Variants in CEP112 observed in about 807,000 individuals in gnomAD.
The protein encoded by CEP112 is centrosomal protein of 112 kDa.
Under a neutral mutation model 153.0 loss-of-function variants are expected in CEP112, and 127 were observed. The observed-to-expected ratio is 0.83, with a 90% CI of 0.72 to 0.96. The LOEUF (loss-of-function observed/expected upper bound fraction) is 0.96. CEP112 is among the 40% of genes least tolerant of loss of function. The pLI is 0.00. For missense variants in CEP112, 1,089 were observed against 1,101.2 expected (o/e 0.99, Z 0.16); for synonymous variants, 358 against 374.4 (o/e 0.96, Z 0.51).
At chr17:65,750,861 G>T in intron 21 of CEP112, 137 bp from the exon 22 acceptor site, 3 of 620,228 alleles carry the variant, frequency 4.8e-6, no homozygotes, top group Non-Finnish European at 8.6e-6. Flanking sequence ...CACAGGGCTT[G>T]TCTTTGATGT....
intron 21 of CEP112, among the ~76,000 whole-genome samples, chr17:65,795,056 A>ACT (rs1304635004): frequency 6.6e-6 from 1 of 152,100 alleles, no homozygotes; most frequent in East Asian, 1.9e-4. Context: ...TTTAATATAT[A>ACT]CTCTCTCATT....
chr17:65,746,426 T>C (rs1482161635), intron 22 of CEP112, among the ~76,000 whole-genome samples: 1 of 152,158 alleles, frequency 6.6e-6, no homozygotes, highest in Admixed American at 6.5e-5. Flanking sequence ...CTTGGCTAGA[T>C]AAATAGATAA....
chr17:65,749,135 C>G (rs1196630671), intron 22 of CEP112, among the ~76,000 whole-genome samples: 1 of 152,158 alleles, frequency 6.6e-6, no homozygotes, highest in Non-Finnish European at 1.5e-5. Context: ...ACATAATCAT[C>G]ATTTCTTACA....
At chr17:65,783,079 T>C (rs959015551) in intron 21 of CEP112, among the ~76,000 whole-genome samples, 25 of 150,660 alleles carry the variant, frequency 1.7e-4, no homozygotes, top group African/African-American at 5.8e-4. Context: ...CAAGAAAATA[T>C]TTAAAAAAAA....
At chr17:66,057,968 C>A (rs1426633220) in intron 11 of CEP112, among the ~76,000 whole-genome samples, 1 of 152,072 alleles carries the variant, frequency 6.6e-6, no homozygotes, top group African/African-American at 2.4e-5. Context: ...GTGGCCACAC[C>A]TGTTATTCCA....
chr17:66,109,417 A>C (rs912181361), intron 6 of CEP112, among the ~76,000 whole-genome samples: 1 of 152,132 alleles, frequency 6.6e-6, no homozygotes, highest in Non-Finnish European at 1.5e-5. Context: ...TCCCATACAA[A>C]TTTAAATTTT....
intron 12 of CEP112, among the ~76,000 whole-genome samples, chr17:66,052,653 G>C (rs1046356197): frequency 2.6e-5 from 4 of 152,160 alleles, no homozygotes; most frequent in Admixed American, 6.5e-5. Context: ...CCCATGTGAT[G>C]TCTATGTCTG....
At chr17:65,822,804 A>G (rs2056653010) in intron 21 of CEP112, among the ~76,000 whole-genome samples, 1 of 152,180 alleles carries the variant, frequency 6.6e-6, no homozygotes, top group African/African-American at 2.4e-5. Flanking sequence ...GAAAACTATT[A>G]AGAAACAGGT....
chr17:65,920,395 ATATATATAT>A (rs2060672562), intron 19 of CEP112, among the ~76,000 whole-genome samples: 3 of 115,366 alleles, frequency 2.6e-5, no homozygotes, highest in East Asian at 2.8e-4. Context: ...ATATATATAT[ATATATATAT>A]AATTATAATA....
At chr17:65,680,480 C>A (rs1297535163) in intron 24 of CEP112, among the ~76,000 whole-genome samples, 1 of 152,076 alleles carries the variant, frequency 6.6e-6, no homozygotes, top group South Asian at 2.1e-4. Context: ...CCATCTGTCA[C>A]CCTCCCTCTC....
chr17:65,831,110 G>A (rs1479639526), intron 21 of CEP112, among the ~76,000 whole-genome samples: 1 of 152,188 alleles, frequency 6.6e-6, no homozygotes, highest in African/African-American at 2.4e-5. Flanking sequence ...AGAGAAAGTG[G>A]ATGTCTCCTC....
At chr17:66,175,306 C>A in intron 3 of CEP112, 90 bp from the exon 4 acceptor site, 1 of 828,820 alleles carries the variant, frequency 1.2e-6, no homozygotes, top group Non-Finnish European at 1.7e-6. Flanking sequence ...TTGAAAACAG[C>A]CTTTCAAATA....
chr17:65,936,809 C>CTCCTCCCCCTCCCCCCCCCCTCT (rs1555720992), intron 18 of CEP112, among the ~76,000 whole-genome samples: 1 of 94,728 alleles, frequency 1.1e-5, no homozygotes. Flanking sequence ...CCTCCCCCTC[C>CTCCTCCCCCTCCCCCCCCCCTCT]CCCTCTCCCC....
chr17:65,653,652 G>T (rs1374291390), intron 24 of CEP112, among the ~76,000 whole-genome samples: 1 of 152,206 alleles, frequency 6.6e-6, no homozygotes, highest in East Asian at 1.9e-4. Context: ...CTTGCTGGGA[G>T]GGATCAGATG....
Position 66,062,957 on chromosome 17 carries a change from G to T in CEP112, c.1074+6C>A. ...ATGTTTTCCATTAGTATTTTATGTA[G>T]CTTACCTTTTTTTCCCAGTCATTAT... On this transcript the variant is annotated splice_donor_region_variant and intron_variant, in intron 11 of 26. Transcript: ENST00000535342. 1 of 1,443,008 alleles carries T rather than the reference G, an allele frequency of 6.9e-7. No homozygotes were observed. The highest frequency in any genetic ancestry group is 9.6e-7 in the Non-Finnish European group (1 of 1,045,860). 89.4% of individuals were successfully genotyped at this position (1,443,008 alleles called of 1,614,324 possible). A position where few individuals can be genotyped will look rare whatever the true frequency, so the allele number is the denominator to read the frequency against.
intron 6 of CEP112, among the ~76,000 whole-genome samples, chr17:66,110,172 A>C (rs1322657931): frequency 6.6e-6 from 1 of 152,084 alleles, no homozygotes; most frequent in Non-Finnish European, 1.5e-5. Context: ...ACAAAACAAA[A>C]AAACAAAAAG....
rs374641160 is a variant in CEP112 at position 66,154,378 on chromosome 17, G to T, written c.470+20666C>A. 2.7e-4 allele frequency among the ~76,000 whole-genome samples: 40 copies of T among 150,546 alleles called. No individual in the cohort carries two copies. The East Asian group carries it at 2.7e-3, about 10-fold the overall frequency. ...AAAAATACAAAAATTAGCTGGGTGT[G>T]GGGGGGGGAGCCTGTAATCTCAGCT... On this transcript the variant is annotated intron_variant, in intron 4 of 26. Coordinates refer to ENST00000535342, the MANE Select transcript of CEP112 (RefSeq NM_001199165.4).
intron 3 of CEP112, among the ~76,000 whole-genome samples, chr17:66,176,414 T>A (rs1465922925): frequency 6.6e-6 from 1 of 152,224 alleles, no homozygotes; most frequent in East Asian, 1.9e-4. Context: ...TACTGTCATT[T>A]TATTAGAGTA....
At chr17:66,098,453 C>T (rs560874620) in intron 6 of CEP112, among the ~76,000 whole-genome samples, 27 of 152,114 alleles carry the variant, frequency 1.8e-4, no homozygotes, top group African/African-American at 2.9e-4. Context: ...CGATTTATTA[C>T]GGTTAATAAC....
Sources: gnomAD v4.1 joint callset for allele counts (sites outside exome capture counted in the v4.1 genomes callset) on GRCh38, gnomAD v4.1.1 for gene constraint, MANE v1.5 for transcripts, NCBI Gene and HGNC (gene_info 2026-07-23, HGNC 2026-07-21) for gene names.